The following ADAM10 variants were observed in gnomAD, a reference collection of about 807,000 sequenced individuals.
ADAM10 encodes ADAM metallopeptidase domain 10, also known as disintegrin and metalloproteinase domain-containing protein 10.
In ADAM10, 17 loss-of-function variants were observed where a neutral mutation model predicts 90.1. The ratio of observed to expected loss-of-function variants is 0.19; its 90% confidence interval spans 0.13 to 0.28. The LOEUF is 0.28. ADAM10 is among the 10% of genes least tolerant of loss of function. The pLI, the probability that ADAM10 is intolerant of heterozygous loss-of-function variation, is 1.00. For synonymous variants in ADAM10, 310 were observed against 298.6 expected, an observed-to-expected ratio of 1.04 and a Z score of -0.40; for missense variants, 610 against 914.3, an observed-to-expected ratio of 0.67 and a Z score of 4.29.
At chr15:58,663,416 T>C (rs1179672823) in intron 5 of ADAM10, among the ~76,000 whole-genome samples, 1 of 152,224 alleles carries the variant, frequency 6.6e-6, no homozygotes, top group African/African-American at 2.4e-5. Context: ...TTTATTCCGC[T>C]AGTTAATTTG....
At chr15:58,717,173 G>A (rs1045644741) in intron 2 of ADAM10, among the ~76,000 whole-genome samples, 1 of 90,184 alleles carries the variant, frequency 1.1e-5, no homozygotes, top group Non-Finnish European at 3.0e-5. Context: ...TCTACCAGCT[G>A]TCATTTTAGA....
intron 14 of ADAM10, among the ~76,000 whole-genome samples, chr15:58,604,323 T>C (rs1357079788): frequency 3.3e-5 from 5 of 152,172 alleles, no homozygotes; most frequent in Non-Finnish European, 7.4e-5. Flanking sequence ...ATTACGCCAC[T>C]GCACTCCAGC....
At chr15:58,621,130 GCA>G (rs1299377873) in intron 11 of ADAM10, among the ~76,000 whole-genome samples, 10 of 151,592 alleles carry the variant, frequency 6.6e-5, no homozygotes, top group African/African-American at 2.4e-4. Context: ...GGGTGTGGTA[GCA>G]CATGCCTATA....
Position 58,592,553 on chromosome 15 carries a change from T to A in ADAM10, c.*4994A>T, listed in dbSNP as rs1350725865. 1 of 152,118 alleles carries A rather than the reference T, an allele frequency of 6.6e-6. No homozygotes were observed. The highest frequency in any genetic ancestry group is 1.9e-4 in the East Asian group (1 of 5,188). The allele number at this position is 152,118 out of a possible 1,614,324, so 9.4% of individuals were successfully genotyped here. On this transcript the variant is annotated 3_prime_UTR_variant, in exon 16 of 16. Coordinates refer to ENST00000260408, the MANE Select transcript of ADAM10 (RefSeq NM_001110.4). Reference sequence around the variant, plus strand: ...TACATTTCTTTCTTACAGGTGGAATTAGTGATTTATCCAAAGGAGTCTGGT... The same window carrying A: ...TACATTTCTTTCTTACAGGTGGAATAAGTGATTTATCCAAAGGAGTCTGGT...
chr15:58,672,302 T>TA (rs1897210785), intron 4 of ADAM10: 1 of 154,456 alleles, frequency 6.5e-6, no homozygotes. Context: ...CTAAACTTGG[T>TA]AAAAGAAGAT....
At chr15:58,659,532 C>CA (rs1422507613) in intron 5 of ADAM10, among the ~76,000 whole-genome samples, 1 of 152,070 alleles carries the variant, frequency 6.6e-6, no homozygotes, top group African/African-American at 2.4e-5. Context: ...TAATGTTAAT[C>CA]AATTTTGCAT....
chr15:58,710,874 A>G (rs1898451015), intron 2 of ADAM10, among the ~76,000 whole-genome samples: 1 of 152,224 alleles, frequency 6.6e-6, no homozygotes, highest in Non-Finnish European at 1.5e-5. Flanking sequence ...CAGATTTAAA[A>G]GTGCCCTAGA....
chr15:58,718,132 A>G (rs1167674167), intron 1 of ADAM10, among the ~76,000 whole-genome samples: 1 of 152,080 alleles, frequency 6.6e-6, no homozygotes. Context: ...CTTCATCCCT[A>G]ATAAAAATAA....
chr15:58,671,658 G>C (rs951828494), intron 4 of ADAM10, among the ~76,000 whole-genome samples: 2 of 152,184 alleles, frequency 1.3e-5, no homozygotes, highest in African/African-American at 2.4e-5. Flanking sequence ...AGGATGACTT[G>C]AGCTCAAGAG....
chr15:58,612,056 AT>A, intron 11 of ADAM10, 65 bp from the exon 12 acceptor site: 1 of 1,425,840 alleles, frequency 7.0e-7, no homozygotes, highest in Non-Finnish European at 9.8e-7. Context: ...ACTATTAGAT[AT>A]TAGATTAGAT....
chr15:58,610,293 T>C lies in ADAM10; in HGVS notation c.2025+4A>G. On this transcript the variant is annotated splice_donor_region_variant and intron_variant, in intron 14 of 15. Coordinates refer to ENST00000260408, the MANE Select transcript of ADAM10 (RefSeq NM_001110.4). ...TTTTCTTTGTAAATAAAAAACATAC[T>C]TACCACAATCCATTCAGCAATGTTT... 6.2e-7 allele frequency: 1 copy of C among 1,613,286 alleles called. No homozygotes were observed.
At position 58,654,766 on chromosome 15, in the gene ADAM10, G is replaced by C. The variant is rs1253253554; in HGVS notation, c.586-8562C>G. Among the ~76,000 whole-genome samples the C allele has an allele frequency of 2.6e-5, 4 of 152,056 alleles. 1 individual carries two copies. In the South Asian group the frequency reaches 8.3e-4, roughly 32 times the overall value. ...TCACTCACCTATCGGTCATTCAGGA[G>C]CATATTGTTTACTTTCCATGTGATT... On this transcript the variant is annotated intron_variant, in intron 5 of 15. Coordinates refer to ENST00000260408, the MANE Select transcript of ADAM10 (RefSeq NM_001110.4).
rs189677761 is a variant in ADAM10, at chr15:58,709,815, G to A, written c.206+7762C>T. Among the ~76,000 whole-genome samples, 141 of 152,186 alleles carry A rather than the reference G, an allele frequency of 9.3e-4. 2 individuals carry two copies. The highest frequency in any genetic ancestry group is 3.7e-3 in the Admixed American group (57 of 15,280). On this transcript the variant is annotated intron_variant, in intron 2 of 15. Transcript: ENST00000260408. ...TAAGCCTGTTTTAGATTACCTTTTAGAGGAAACAATTTCTCCAAAGAATTA... is the reference window on the plus strand; with the variant it reads ...TAAGCCTGTTTTAGATTACCTTTTAAAGGAAACAATTTCTCCAAAGAATTA...
intron 2 of ADAM10, chr15:58,692,869 G>C (rs201427407): frequency 4.7e-5 from 32 of 675,944 alleles, no homozygotes; most frequent in Admixed American, 4.5e-4. Context: ...AAATGCTTCA[G>C]TACCAGACTT....
intron 2 of ADAM10, among the ~76,000 whole-genome samples, chr15:58,694,747 A>T (rs1413069906): frequency 4.9e-5 from 4 of 81,216 alleles, no homozygotes; most frequent in African/African-American, 3.6e-4. Context: ...TCAGAAATTA[A>T]AAAAAAAAAA....
chr15:58,717,513 C>G, intron 2 of ADAM10, 64 bp downstream of exon 2: 1 of 1,587,892 alleles, frequency 6.3e-7, no homozygotes, highest in Non-Finnish European at 8.6e-7. Context: ...GGATATAAAT[C>G]TCCTCTTTAA....
intron 2 of ADAM10, among the ~76,000 whole-genome samples, chr15:58,702,087 C>A (rs1370281777): frequency 6.6e-6 from 1 of 152,016 alleles, no homozygotes; most frequent in East Asian, 1.9e-4. Context: ...GACTGGGCAA[C>A]AGAGCGAGAT....
chr15:58,602,138 T>C (rs1270303120), intron 14 of ADAM10, among the ~76,000 whole-genome samples: 1 of 152,214 alleles, frequency 6.6e-6, no homozygotes, highest in East Asian at 1.9e-4. Flanking sequence ...CCTCATGGTT[T>C]CCTATTTTTT....
chr15:58,597,093 C>T lies in ADAM10; in HGVS notation c.*454G>A, dbSNP rs1241749043. ...AGTGTACGTAAGAAATACATGTCTG[C>T]ATATAACAAGGTATGTACATTGGCA... On this transcript the variant is annotated 3_prime_UTR_variant, in exon 16 of 16. Transcript: ENST00000260408. The T allele has an allele frequency of 3.2e-6, 1 of 312,248 alleles. No individual in the cohort carries two copies. Among genetic ancestry groups the T allele is most frequent in the African/African-American group, 2.1e-5 (1 of 46,518 alleles). 19.3% of individuals were successfully genotyped at this position (312,248 alleles called of 1,614,324 possible).
Sources: gnomAD v4.1 joint callset for allele counts (sites outside exome capture counted in the v4.1 genomes callset) on GRCh38, gnomAD v4.1.1 for gene constraint, MANE v1.5 for transcripts, NCBI Gene and HGNC (gene_info 2026-07-23, HGNC 2026-07-21) for gene names.